Variants in USP10 observed in about 807,000 individuals in gnomAD.
USP10 encodes the protein ubiquitin carboxyl-terminal hydrolase 10.
USP10 carries 22 observed loss-of-function variants against 84.5 expected under a neutral mutation model. That is an observed-to-expected ratio of 0.26 (90% CI 0.19 to 0.37). USP10 has a LOEUF of 0.37. USP10 is among the 10% of genes least tolerant of loss of function. USP10 has a pLI of 1.00. For missense variants in USP10, 1,019 were observed against 998.9 expected (o/e 1.02, Z -0.27); for synonymous variants, 454 against 387.6 (o/e 1.17, Z -2.01).
intron 13 of USP10, among the ~76,000 whole-genome samples, chr16:84,776,504 C>G (rs1341782785): frequency 2.0e-5 from 3 of 152,244 alleles, no homozygotes; most frequent in Non-Finnish European, 2.9e-5. Flanking sequence ...GTGGGTGTCT[C>G]CAGCCCTGTC....
chr16:84,751,236 C>A (rs1294442893), intron 4 of USP10, among the ~76,000 whole-genome samples: 1 of 152,202 alleles, frequency 6.6e-6, no homozygotes, highest in East Asian at 1.9e-4. Flanking sequence ...GTTGGCTATA[C>A]CATCTAGGCA....
At chr16:84,709,941 A>G (rs1275406804) in intron 1 of USP10, among the ~76,000 whole-genome samples, 1 of 152,158 alleles carries the variant, frequency 6.6e-6, no homozygotes, top group Non-Finnish European at 1.5e-5. Flanking sequence ...ATCCAAGCTC[A>G]GGACTGAGTG....
intron 4 of USP10, among the ~76,000 whole-genome samples, chr16:84,749,176 A>C (rs993700331): frequency 1.3e-5 from 2 of 152,098 alleles, no homozygotes; most frequent in African/African-American, 4.8e-5. Context: ...TTGTTGTTTT[A>C]TTCTCCTACT....
At chr16:84,740,556 C>G (rs1008689723) in intron 3 of USP10, among the ~76,000 whole-genome samples, 187 bp downstream of exon 3, 12 of 152,256 alleles carry the variant, frequency 7.9e-5, no homozygotes, top group Admixed American at 4.6e-4. Flanking sequence ...AAAGCGTATC[C>G]TGTGCTTCGG....
intron 13 of USP10, among the ~76,000 whole-genome samples, chr16:84,778,086 A>C (rs1303105068): frequency 7.0e-5 from 5 of 71,670 alleles, no homozygotes; most frequent in Non-Finnish European, 1.9e-4. Flanking sequence ...TTTTTAAGTA[A>C]ATAACTGTGT....
chr16:84,759,110 C>G (rs1440166465), intron 5 of USP10, among the ~76,000 whole-genome samples: 1 of 152,204 alleles, frequency 6.6e-6, no homozygotes, highest in Non-Finnish European at 1.5e-5. Context: ...TTGGTTTTAA[C>G]TGATTGAACT....
At chr16:84,768,574 A>G (rs1188575013) in intron 11 of USP10, among the ~76,000 whole-genome samples, 3 of 152,216 alleles carry the variant, frequency 2.0e-5, no homozygotes, top group Non-Finnish European at 4.4e-5. Context: ...ACACAAGGTA[A>G]TGATCTCCTT....
chr16:84,738,941 C>A (rs1251053659), intron 2 of USP10, among the ~76,000 whole-genome samples: 2 of 152,172 alleles, frequency 1.3e-5, no homozygotes, highest in Non-Finnish European at 2.9e-5. Context: ...CCTGCACTGG[C>A]CTTTGTACTG....
At chr16:84,743,650 T>G (rs927112658) in intron 3 of USP10, among the ~76,000 whole-genome samples, 2 of 152,222 alleles carry the variant, frequency 1.3e-5, no homozygotes, top group Non-Finnish European at 2.9e-5. Context: ...CTTCAAAATG[T>G]GTAACTTTTT....
At chr16:84,729,247 A>G (rs1908901771) in intron 1 of USP10, among the ~76,000 whole-genome samples, 1 of 152,240 alleles carries the variant, frequency 6.6e-6, no homozygotes, top group African/African-American at 2.4e-5. Flanking sequence ...TTCATAATCC[A>G]TGTTTGAATG....
At chr16:84,774,654 T>C (rs1914802083) in intron 12 of USP10, among the ~76,000 whole-genome samples, 1 of 152,056 alleles carries the variant, frequency 6.6e-6, no homozygotes, top group Admixed American at 6.5e-5. Context: ...GTATTTTTAA[T>C]AGAGACGTGG....
intron 1 of USP10, among the ~76,000 whole-genome samples, chr16:84,729,714 C>A (rs376709304): frequency 1.9e-4 from 29 of 152,274 alleles, no homozygotes; most frequent in African/African-American, 7.0e-4. Flanking sequence ...CTTTTAAAAG[C>A]TCATGCATTT....
intron 1 of USP10, among the ~76,000 whole-genome samples, chr16:84,701,163 G>A (rs1904813968): frequency 1.3e-5 from 2 of 152,184 alleles, no homozygotes; most frequent in African/African-American, 4.8e-5. Context: ...TGCAGATGAA[G>A]TCAATCTGAC....
Position 84,760,164 on chromosome 16 carries a change from C to G in USP10, c.1451-8C>G. ...GTTAGGAAAACCTGTGTCCTCTTTC[C>G]ATTGCAGCTCTTGGAGATAAAATCG... is the stretch of plus-strand genomic sequence containing the variant. On this transcript the variant is annotated splice_region_variant and splice_polypyrimidine_tract_variant and intron_variant, in intron 7 of 13. Transcript: ENST00000219473. 6.3e-7 allele frequency: 1 copy of G among 1,598,926 alleles called. No homozygotes were observed. The highest frequency in any genetic ancestry group is 8.5e-7 in the Non-Finnish European group (1 of 1,171,576).
chr16:84,754,989 G>A (rs60008347), intron 4 of USP10, among the ~76,000 whole-genome samples: 4,447 of 145,914 alleles, frequency 0.03, 203 homozygotes, highest in African/African-American at 0.11. Flanking sequence ...CTTTGTCCCA[G>A]AAAAAAAAAA....
In USP10 at chr16:84,731,434, C is replaced by T. The variant is rs1417834109; in HGVS notation, c.22-2001C>T. Among the ~76,000 whole-genome samples the T allele has an allele frequency of 3.3e-5, 5 of 151,930 alleles. No individual in the cohort carries two copies. In the South Asian group the frequency reaches 6.3e-4, roughly 19 times the overall value. ...TATTTGCATTAAACTTCACAGCTGCCGTGTGTTTCTTGTATTTTACTTCTT... is the reference window on the plus strand; with the variant it reads ...TATTTGCATTAAACTTCACAGCTGCTGTGTGTTTCTTGTATTTTACTTCTT... On this transcript the variant is annotated intron_variant, in intron 1 of 13. Transcript: ENST00000219473.
chr16:84,740,428 C>A, intron 3 of USP10, 59 bp downstream of exon 3: 1 of 1,378,994 alleles, frequency 7.3e-7, no homozygotes, highest in Non-Finnish European at 1.0e-6. Context: ...GCTGGGTGGG[C>A]AGGCTACCTG....
chr16:84,707,808 G>C (rs1905734267), intron 1 of USP10, among the ~76,000 whole-genome samples: 1 of 152,124 alleles, frequency 6.6e-6, no homozygotes, highest in Non-Finnish European at 1.5e-5. Context: ...GGTGCAGTGA[G>C]TGACTCACGC....
chr16:84,745,173 C>T lies in USP10; in HGVS notation c.692C>T (p.Ala231Val), dbSNP rs773132095. 6.2e-7 allele frequency: 1 copy of T among 1,613,244 alleles called. No individual in the cohort carries two copies. The highest frequency in any genetic ancestry group is 8.5e-7 in the Non-Finnish European group (1 of 1,179,648). Residue 231 changes from alanine (A) to valine (V), a missense_variant, in exon 4 of 14, where the codon GCA becomes GTA. Transcript: ENST00000219473. Reference protein sequence around the residue: ...DIVPDSPFPGALGSDTRTAGQ... With the variant: ...DIVPDSPFPGVLGSDTRTAGQ... ...GTGCCTGACAGTCCTTTCCCCGGAGCACTCGGCAGTGACACCAGGACTGCA... is the reference window on the plus strand; with the variant it reads ...GTGCCTGACAGTCCTTTCCCCGGAGTACTCGGCAGTGACACCAGGACTGCA...
Sources: gnomAD v4.1 joint callset for allele counts (sites outside exome capture counted in the v4.1 genomes callset) on GRCh38, gnomAD v4.1.1 for gene constraint, MANE v1.5 for transcripts, NCBI Gene and HGNC (gene_info 2026-07-23, HGNC 2026-07-21) for gene names.